The following HIVEP3 variants were observed in gnomAD, a reference collection of about 807,000 sequenced individuals.
HIVEP3 encodes the protein HIVEP zinc finger 3.
In HIVEP3, 49 loss-of-function variants were observed where a neutral mutation model predicts 152.8. That is an observed-to-expected ratio of 0.32 (90% CI 0.26 to 0.41). The LOEUF is 0.41. Among genes scored for constraint, HIVEP3 ranks in the 10% least tolerant of loss-of-function variants. The pLI is 1.00. For missense variants in HIVEP3, 2,790 were observed against 3,103.3 expected (o/e 0.90, Z 2.40); for synonymous variants, 1,269 against 1,289.0 (o/e 0.98, Z 0.33).
At position 41,509,193 on chromosome 1, in the gene HIVEP3, G is replaced by A. The variant is rs887599398; in HGVS notation, c.*1258C>T. The A allele has an allele frequency of 6.6e-6, 1 of 152,166 alleles. No homozygotes were observed. The highest frequency in any genetic ancestry group is 1.5e-5 in the Non-Finnish European group (1 of 68,042). 9.4% of individuals were successfully genotyped at this position (152,166 alleles called of 1,614,324 possible). A position where few individuals can be genotyped will look rare whatever the true frequency, so the allele number is the denominator to read the frequency against. ...AGGTCAAAAGAATCTGTGGTGGCTG[G>A]GTGAAGTATCAAACACCATCCTCTC... On this transcript the variant is annotated 3_prime_UTR_variant, in exon 9 of 9. Coordinates refer to ENST00000372583, the MANE Select transcript of HIVEP3 (RefSeq NM_024503.5).
chr1:41,846,435 A>G lies in HIVEP3; in HGVS notation c.-801+71978T>C, dbSNP rs778695276. ...TTTTCATTTAATAGATTTCAGAGGA[A>G]GTTGTCTAAGATGGTGCCAGGTCAC... On this transcript the variant is annotated intron_variant, in intron 1 of 8. Coordinates refer to ENST00000372583, the MANE Select transcript of HIVEP3 (RefSeq NM_024503.5). 2.0e-5 allele frequency among the ~76,000 whole-genome samples: 3 copies of G among 152,182 alleles called. 1 individual carries two copies. In the South Asian group the frequency reaches 6.2e-4, roughly 32 times the overall value.
At chr1:41,988,864 AT>A (rs1645339917) in intron 1 of HIVEP3, among the ~76,000 whole-genome samples, 1 of 152,224 alleles carries the variant, frequency 6.6e-6, no homozygotes, top group African/African-American at 2.4e-5. Context: ...TATATATTGG[AT>A]GAATGGAATA....
At chr1:41,733,957 C>T (rs1448309268) in intron 1 of HIVEP3, among the ~76,000 whole-genome samples, 1 of 152,150 alleles carries the variant, frequency 6.6e-6, no homozygotes, top group Non-Finnish European at 1.5e-5. Flanking sequence ...CCCGCCCTCT[C>T]CCCCAGCACA....
chr1:41,667,250 C>T (rs900718797), intron 2 of HIVEP3, among the ~76,000 whole-genome samples: 7 of 152,358 alleles, frequency 4.6e-5, no homozygotes, highest in Middle Eastern at 3.4e-3. Context: ...TGTTAACACA[C>T]GGCTGCTCTG....
intron 1 of HIVEP3, among the ~76,000 whole-genome samples, chr1:41,984,451 C>G (rs1645310737): frequency 6.6e-6 from 1 of 152,012 alleles, no homozygotes; most frequent in African/African-American, 2.4e-5. Flanking sequence ...CATGATAGCC[C>G]TAAGGGAGAA....
At chr1:41,797,410 T>C (rs1161364947) in intron 1 of HIVEP3, among the ~76,000 whole-genome samples, 1 of 152,192 alleles carries the variant, frequency 6.6e-6, no homozygotes, top group Admixed American at 6.5e-5. Context: ...AAATTCTGTT[T>C]CTCTGCCTAA....
chr1:41,570,548 C>A (rs1644237865), intron 5 of HIVEP3, among the ~76,000 whole-genome samples: 2 of 152,092 alleles, frequency 1.3e-5, no homozygotes, highest in African/African-American at 2.4e-5. Context: ...GAGGTCTCCC[C>A]AGCCATGTGA....
intron 2 of HIVEP3, among the ~76,000 whole-genome samples, chr1:41,643,095 C>T (rs983945155): frequency 1.3e-5 from 2 of 152,206 alleles, no homozygotes; most frequent in African/African-American, 4.8e-5. Flanking sequence ...ATCCTTGCCT[C>T]CTCCCTGGTC....
chr1:41,973,371 G>T (rs777204000), intron 1 of HIVEP3, among the ~76,000 whole-genome samples: 1 of 152,182 alleles, frequency 6.6e-6, no homozygotes, highest in Non-Finnish European at 1.5e-5. Context: ...TGCTAGAGCC[G>T]CAGTCATCTC....
rs1558063032 is a variant in HIVEP3, at chr1:41,562,618, TCTCTCTCTCTCTCTCC to T, written c.5207+12910_5207+12925del. Among the ~76,000 whole-genome samples the T allele has an allele frequency of 4.2e-3, 486 of 114,432 alleles. 5 individuals carry two copies. Among genetic ancestry groups the T allele is most frequent in the African/African-American group, 0.016 (460 of 27,914 alleles). 75.1% of individuals were successfully genotyped at this position (114,432 alleles called of 152,430 possible). A position where few individuals can be genotyped will look rare whatever the true frequency, so the allele number is the denominator to read the frequency against. On this transcript the variant is annotated intron_variant, in intron 5 of 8. Coordinates refer to ENST00000372583, the MANE Select transcript of HIVEP3 (RefSeq NM_024503.5). ...TCCTTTCTTTCTCTCTCTCTCTCTC[TCTCTCTCTCTCTCTCC>T]CTCTCTCTCTCTTTCTTTCTTTCTT...
At chr1:41,748,123 G>A (rs1647100672) in intron 1 of HIVEP3, among the ~76,000 whole-genome samples, 1 of 152,168 alleles carries the variant, frequency 6.6e-6, no homozygotes, top group Non-Finnish European at 1.5e-5. Flanking sequence ...CCTAATAAAT[G>A]AAAGGTGAGA....
intron 2 of HIVEP3, 36 bp downstream of exon 2, chr1:41,700,880 C>G: frequency 2.2e-6 from 2 of 926,976 alleles, no homozygotes; most frequent in Non-Finnish European, 2.6e-6. Flanking sequence ...TGTGCTGAAA[C>G]TGCCCTGTGT....
At chr1:41,630,710 C>G (rs536372307) in intron 2 of HIVEP3, among the ~76,000 whole-genome samples, 1 of 152,284 alleles carries the variant, frequency 6.6e-6, no homozygotes, top group South Asian at 2.1e-4. Flanking sequence ...GAGAACCCAG[C>G]CCACCAACAC....
Position 41,584,164 on chromosome 1 carries a change from G to A in HIVEP3, c.634C>T (p.Arg212Cys). The A allele has an allele frequency of 2.5e-6, 4 of 1,614,188 alleles. No individual in the cohort carries two copies. Among genetic ancestry groups the A allele is most frequent in the East Asian group, 2.2e-5 (1 of 44,882 alleles). ...TAGGGCCTCTCACCTGTGTGTGAGC[G>A]AATGTGCTTCTGGAGCACGCTGGGC... ...AKPSVLQKHI[R>C]SHTGERPYPC... Residue 212 changes from arginine (R) to cysteine (C), a missense_variant, in exon 4 of 9, where the codon CGC becomes TGC. By Grantham distance (180) the Arg-to-Cys change is radical (BLOSUM62 -3). This residue lies in a region of HIVEP3 where 25 missense variants were observed against 75.9 expected (regional missense o/e 0.33). Transcript: ENST00000372583. This position sits in a 1 kb window ranked among gnomAD's most constrained non-coding sequence, Gnocchi z 5.2.
chr1:42,028,970 G>A (rs1372538718), intron 1 of HIVEP3, among the ~76,000 whole-genome samples: 2 of 152,206 alleles, frequency 1.3e-5, no homozygotes, highest in Admixed American at 1.3e-4. Flanking sequence ...TGGTTCAAGA[G>A]AAGGCAGAAA....
At chr1:41,607,147 A>G (rs1383627258) in intron 3 of HIVEP3, among the ~76,000 whole-genome samples, 1 of 151,938 alleles carries the variant, frequency 6.6e-6, no homozygotes, top group Non-Finnish European at 1.5e-5. Context: ...ACTGAGAGGA[A>G]ATTTCTTTGG....
chr1:41,722,780 T>G (rs970105206), intron 1 of HIVEP3, among the ~76,000 whole-genome samples: 2 of 151,592 alleles, frequency 1.3e-5, no homozygotes, highest in African/African-American at 2.4e-5. Context: ...CTTCCACAGG[T>G]GTGGAGGAAG....
Position 41,583,819 on chromosome 1 carries a change from A to T in HIVEP3, c.979T>A (p.Ser327Thr). The change falls in exon 4 of 9, where the codon TCC becomes ACC. Residue 327 changes from serine to threonine, a missense_variant. Ser to Thr is a moderately conservative substitution (Grantham distance 58). Transcript: ENST00000372583. The surrounding 1 kb of genome is among the most constrained non-coding windows in gnomAD (Gnocchi z 6.9). Reference protein sequence around the residue: ...HSSSHERCSLSQSSTAQSLED... With the variant: ...HSSSHERCSLTQSSTAQSLED... ...AGTGACTGGGCTGTGCTGGACTGGG[A>T]CAGGGAACAGCGTTCGTGGCTGGAA... 1 of 1,602,650 alleles carries T rather than the reference A, an allele frequency of 6.2e-7. No individual in the cohort carries two copies. Among genetic ancestry groups the T allele is most frequent in the Non-Finnish European group, 8.5e-7 (1 of 1,174,032 alleles).
At chr1:41,766,187 GT>G (rs1308839698) in intron 1 of HIVEP3, among the ~76,000 whole-genome samples, 1 of 152,242 alleles carries the variant, frequency 6.6e-6, no homozygotes, top group African/African-American at 2.4e-5. Context: ...AGGCTCTGGA[GT>G]TAGTGCAGTG....
Sources: allele counts gnomAD v4.1 joint callset (sites outside exome capture counted in the v4.1 genomes callset), GRCh38; gene constraint gnomAD v4.1.1; regional missense constraint gnomAD v4.1.1; non-coding constraint Gnocchi (gnomAD v3.1); transcripts MANE v1.5; gene names NCBI Gene and HGNC (gene_info 2026-07-23, HGNC 2026-07-21).